Variants in TCERG1L observed in about 807,000 individuals in gnomAD.
TCERG1L encodes the protein transcription elongation regulator 1-like protein.
Under a neutral mutation model 56.3 loss-of-function variants are expected in TCERG1L, and 37 were observed. The ratio of observed to expected loss-of-function variants is 0.66; its 90% CI spans 0.51 to 0.87. The LOEUF (loss-of-function observed/expected upper bound fraction) is 0.87, where lower values mean the gene tolerates loss of function less well. Ranked by LOEUF, TCERG1L falls within the 40% of genes least tolerant of loss-of-function variation. The pLI, the probability that TCERG1L is intolerant of heterozygous loss-of-function variation, is 0.00. For missense variants in TCERG1L, 799 were observed against 774.2 expected (o/e 1.03, Z -0.38); for synonymous variants, 324 against 326.3 (o/e 0.99, Z 0.08).
At chr10:131,218,791 G>A (rs1346233567) in intron 4 of TCERG1L, among the ~76,000 whole-genome samples, 2 of 152,172 alleles carry the variant, frequency 1.3e-5, no homozygotes, top group East Asian at 1.9e-4. Flanking sequence ...GCTGGCCAAG[G>A]GGGATCCTTG....
In TCERG1L at chr10:131,114,094, T is replaced by A. The variant is rs1845432341; in HGVS notation, c.1395+2705A>T. Among the ~76,000 whole-genome samples, 3 of 142,304 alleles carry A rather than the reference T, an allele frequency of 2.1e-5. 1 individual carries two copies. The highest frequency in any genetic ancestry group is 4.7e-5 in the Non-Finnish European group (3 of 63,374). 93.4% of individuals were successfully genotyped at this position (142,304 alleles called of 152,430 possible). A position where few individuals can be genotyped will look rare whatever the true frequency, so the allele number is the denominator to read the frequency against. ...CCGCTGCCCCAGGGCACAATCCCCG[T>A]GGCAGGGCCCAAACTCTGCCCTTTT... On this transcript the variant is annotated intron_variant, in intron 9 of 11. Coordinates refer to ENST00000368642, the MANE Select transcript of TCERG1L (RefSeq NM_174937.4).
chr10:131,239,109 C>A (rs763788674), intron 4 of TCERG1L, among the ~76,000 whole-genome samples: 4 of 152,242 alleles, frequency 2.6e-5, no homozygotes, highest in Non-Finnish European at 5.9e-5. Flanking sequence ...TGAAGCCCAG[C>A]CAGCTGGGTG....
chr10:131,197,888 A>T (rs1845384226), intron 4 of TCERG1L, among the ~76,000 whole-genome samples: 3 of 152,236 alleles, frequency 2.0e-5, no homozygotes, highest in Admixed American at 2.0e-4. Flanking sequence ...TTTAGACCAA[A>T]TTCCTGTTAT....
At chr10:131,221,113 G>A (rs926830208) in intron 4 of TCERG1L, among the ~76,000 whole-genome samples, 15 of 152,198 alleles carry the variant, frequency 9.9e-5, no homozygotes, top group African/African-American at 3.6e-4. Flanking sequence ...TGGCCCCCAC[G>A]CCTGCCCCCA....
At chr10:131,106,672 T>A (rs1354152881) in intron 9 of TCERG1L, among the ~76,000 whole-genome samples, 1 of 152,104 alleles carries the variant, frequency 6.6e-6, no homozygotes, top group East Asian at 1.9e-4. Context: ...GGCGTACGTT[T>A]GAGGAAGGCC....
At chr10:131,255,262 C>T (rs1380107255) in intron 4 of TCERG1L, among the ~76,000 whole-genome samples, 1 of 152,174 alleles carries the variant, frequency 6.6e-6, no homozygotes. Context: ...GATGGTACCA[C>T]CACTGCACAT....
At chr10:131,099,470 G>A (rs761747903) in intron 10 of TCERG1L, among the ~76,000 whole-genome samples, 3 of 152,160 alleles carry the variant, frequency 2.0e-5, no homozygotes, top group Non-Finnish European at 4.4e-5. Context: ...AAAATATCAA[G>A]AGAAAGTCCA....
At chr10:131,268,439 G>A (rs1210970370) in intron 3 of TCERG1L, among the ~76,000 whole-genome samples, 1 of 152,128 alleles carries the variant, frequency 6.6e-6, no homozygotes, top group East Asian at 1.9e-4. Flanking sequence ...TTTTTGAATT[G>A]TAAATTAGTC....
chr10:131,125,057 A>C (rs1354441215), intron 8 of TCERG1L, among the ~76,000 whole-genome samples: 3 of 152,240 alleles, frequency 2.0e-5, no homozygotes, highest in Non-Finnish European at 2.9e-5. Context: ...GACTTAATGC[A>C]TTTAAGGTAT....
intron 4 of TCERG1L, among the ~76,000 whole-genome samples, chr10:131,170,005 C>T (rs1846072589): frequency 6.6e-6 from 1 of 152,138 alleles, no homozygotes; most frequent in African/African-American, 2.4e-5. Flanking sequence ...CTCATGAGTG[C>T]TTCTTAGAGG....
intron 3 of TCERG1L, among the ~76,000 whole-genome samples, chr10:131,278,225 G>A (rs376768910): frequency 6.8e-4 from 104 of 152,138 alleles, no homozygotes; most frequent in African/African-American, 2.3e-3. Flanking sequence ...GATCCTGCTC[G>A]GTTTCCTCAC....
intron 9 of TCERG1L, among the ~76,000 whole-genome samples, chr10:131,111,825 C>T (rs1000475884): frequency 7.0e-6 from 1 of 143,396 alleles, no homozygotes; most frequent in Non-Finnish European, 1.6e-5. Context: ...GACAGATAGA[C>T]AAGCCAGACT....
intron 4 of TCERG1L, among the ~76,000 whole-genome samples, chr10:131,224,495 A>C (rs1178439883): frequency 6.6e-6 from 1 of 152,156 alleles, no homozygotes; most frequent in African/African-American, 2.4e-5. Context: ...GTTTTATCTA[A>C]TTCACCAGGG....
intron 3 of TCERG1L, among the ~76,000 whole-genome samples, chr10:131,274,829 A>C (rs1846376410): frequency 6.6e-6 from 1 of 152,154 alleles, no homozygotes; most frequent in South Asian, 2.1e-4. Context: ...CAGCTATAAA[A>C]AATGTGGAAA....
At position 131,289,648 on chromosome 10, in the gene TCERG1L, A is replaced by G. The variant is rs1846589308; in HGVS notation, c.670+18563T>C. ...GAGGTGTGCACTGCCTCCATCTCCT[A>G]TCGGTGTGTGTGTGTGTATGTGTGC... On this transcript the variant is annotated intron_variant, in intron 3 of 11. Coordinates refer to ENST00000368642, the MANE Select transcript of TCERG1L (RefSeq NM_174937.4). 6.9e-5 allele frequency among the ~76,000 whole-genome samples: 3 copies of G among 43,170 alleles called. 1 individual carries two copies. In the Admixed American group the frequency reaches 8.7e-4, roughly 13 times the overall value. The allele number at this position is 43,170 out of a possible 152,430, so 28.3% of individuals were successfully genotyped here.
chr10:131,152,449 T>G (rs1206416575), intron 6 of TCERG1L, among the ~76,000 whole-genome samples: 1 of 152,210 alleles, frequency 6.6e-6, no homozygotes, highest in African/African-American at 2.4e-5. Context: ...CTTCATTGTC[T>G]ATATCACTGT....
At chr10:131,292,976 G>A (rs1041965463) in intron 3 of TCERG1L, among the ~76,000 whole-genome samples, 4 of 151,446 alleles carry the variant, frequency 2.6e-5, no homozygotes, top group Non-Finnish European at 4.4e-5. Context: ...TCAGCCTCCC[G>A]AGTAGCTGGG....
intron 3 of TCERG1L, among the ~76,000 whole-genome samples, chr10:131,294,033 G>C (rs1846663243): frequency 6.6e-6 from 1 of 152,066 alleles, no homozygotes. Flanking sequence ...GTGTTATGTA[G>C]AATCTCATTT....
chr10:131,184,730 A>C (rs1048083439), intron 4 of TCERG1L, among the ~76,000 whole-genome samples: 15 of 152,236 alleles, frequency 9.9e-5, no homozygotes, highest in African/African-American at 3.6e-4. Context: ...CCTCAGCATC[A>C]AACAAGGAAA....
Sources: allele counts gnomAD v4.1 joint callset (sites outside exome capture counted in the v4.1 genomes callset), GRCh38; gene constraint gnomAD v4.1.1; transcripts MANE v1.5; gene names NCBI Gene and HGNC (gene_info 2026-07-23, HGNC 2026-07-21).